PTPN13: variants seen among roughly 807,000 people sequenced by gnomAD.
PTPN13 encodes tyrosine-protein phosphatase non-receptor type 13.
In PTPN13, 191 loss-of-function variants were observed where a neutral mutation model predicts 284.0. That is an observed-to-expected ratio of 0.67 (90% CI 0.60 to 0.76). PTPN13 has a LOEUF of 0.76. Among genes scored for constraint, PTPN13 ranks in the 30% least tolerant of loss-of-function variants. PTPN13 has a pLI of 0.00. For missense variants in PTPN13, 2,797 were observed against 2,939.9 expected (o/e 0.95, Z 1.12); for synonymous variants, 986 against 1,022.3 (o/e 0.96, Z 0.68).
intron 1 of PTPN13, among the ~76,000 whole-genome samples, chr4:86,599,661 A>G (rs969344316): frequency 3.9e-5 from 6 of 152,288 alleles, no homozygotes; most frequent in African/African-American, 9.6e-5. Context: ...AATGGCATAT[A>G]TATAATTCCT....
rs1283544153 is a variant in PTPN13, at chr4:86,762,723, T to C, written c.3554-4T>C. The C allele has an allele frequency of 8.8e-6, 14 of 1,583,068 alleles. No individual in the cohort carries two copies. Among genetic ancestry groups the C allele is most frequent in the African/African-American group, 1.3e-5 (1 of 74,186 alleles). On this transcript the variant is annotated splice_region_variant and splice_polypyrimidine_tract_variant and intron_variant, in intron 23 of 47. Transcript: ENST00000411767. ...TACTCTCATTGATGGATTTTGACTTTTAGTGCCTTCTACTCCTGTGCATCT... is the reference window on the plus strand; with the variant it reads ...TACTCTCATTGATGGATTTTGACTTCTAGTGCCTTCTACTCCTGTGCATCT...
chr4:86,686,848 A>C, intron 4 of PTPN13, 73 bp downstream of exon 4: 3 of 1,019,806 alleles, frequency 2.9e-6, no homozygotes, highest in Non-Finnish European at 4.4e-6. Context: ...TAGCTCTTCC[A>C]CACGTTTATA....
chr4:86,644,417 G>A (rs1724180729), intron 2 of PTPN13, among the ~76,000 whole-genome samples: 1 of 152,120 alleles, frequency 6.6e-6, no homozygotes, highest in South Asian at 2.1e-4. Flanking sequence ...TAGGATTACA[G>A]GCATGAGCCA....
At chr4:86,664,089 T>A (rs1026718150) in intron 2 of PTPN13, among the ~76,000 whole-genome samples, 2 of 152,144 alleles carry the variant, frequency 1.3e-5, no homozygotes, top group Non-Finnish European at 2.9e-5. Context: ...AGGAAACTTT[T>A]TAAAAATACT....
Position 86,762,981 on chromosome 4 carries a change from G to A in PTPN13, c.3808G>A (p.Gly1270Ser), listed in dbSNP as rs753750124. 6 of 1,613,618 alleles carry A rather than the reference G, an allele frequency of 3.7e-6. No individual in the cohort carries two copies. The highest frequency in any genetic ancestry group is 5.1e-6 in the Non-Finnish European group (6 of 1,179,830). ...QVNGFFASHLGDQTWQESQHG... is the reference protein window; with the variant it reads ...QVNGFFASHLSDQTWQESQHG... ...CAATGGTTTCTTTGCCAGCCATTTA[G>A]GTGACCAAACCTGGCAGGAATCACA... The change falls in exon 24 of 48, where the codon GGT (glycine) becomes AGT (serine). Residue 1270 changes from glycine (G) to serine (S), a missense_variant. Physicochemically the swap from Gly to Ser is moderately conservative, Grantham distance 56 (BLOSUM62 0). Transcript: ENST00000411767.
intron 6 of PTPN13, among the ~76,000 whole-genome samples, chr4:86,699,028 C>G (rs1730859132): frequency 6.6e-6 from 1 of 151,976 alleles, no homozygotes; most frequent in South Asian, 2.1e-4. Flanking sequence ...AGGGGGGAAT[C>G]CAGAATACAT....
chr4:86,614,157 G>A (rs1720273287), intron 1 of PTPN13, among the ~76,000 whole-genome samples: 1 of 152,112 alleles, frequency 6.6e-6, no homozygotes, highest in Admixed American at 6.5e-5. Context: ...TAGTTTTGTT[G>A]TAATATACAA....
rs1439942585 is a variant in PTPN13 at position 86,771,251 on chromosome 4, C to T, written c.4884C>T (p.Thr1628=). The change falls in exon 31 of 48, where the codon ACC becomes ACT. Residue 1628 remains threonine, a synonymous_variant. Coordinates refer to ENST00000411767, the MANE Select transcript of PTPN13 (RefSeq NM_080683.3). ...AGCCATCATGTGTGGAGCAAAGCAC[C>T]AGCTCAGATGAAAATGAAATGTCAG... ...SSQPSCVEQS[T]SSDENEMSDK... is the part of the protein sequence containing the mutation. 2.5e-6 allele frequency: 4 copies of T among 1,609,706 alleles called. No individual in the cohort carries two copies. Among genetic ancestry groups the T allele is most frequent in the East Asian group, 2.2e-5 (1 of 44,750 alleles).
intron 23 of PTPN13, 82 bp downstream of exon 23, chr4:86,759,155 A>C: frequency 7.0e-7 from 1 of 1,423,898 alleles, no homozygotes; most frequent in East Asian, 2.4e-5. Flanking sequence ...ACAAAAATGG[A>C]TTCATTGTGT....
In PTPN13 at chr4:86,619,134, C is replaced by G. The variant is rs138620934; in HGVS notation, c.-5-16118C>G. The stretch of plus-strand genomic sequence containing the variant: ...GAGAGCTACAGCTCCCAGTCAGCCA[C>G]GCGATCACAAGGGTAAACAACTGAC... On this transcript the variant is annotated intron_variant, in intron 1 of 47. Transcript: ENST00000411767. Among the ~76,000 whole-genome samples the G allele has an allele frequency of 3.3e-3, 507 of 152,268 alleles. 1 individual carries two copies. Among genetic ancestry groups the G allele is most frequent in the African/African-American group, 0.012 (490 of 41,546 alleles).
intron 19 of PTPN13, 47 bp from the exon 20 acceptor site, chr4:86,752,962 G>A (rs754084431): frequency 3.7e-6 from 5 of 1,359,306 alleles, no homozygotes; most frequent in African/African-American, 2.9e-5. Context: ...TCGATATCTA[G>A]CATCTGACCA....
chr4:86,795,743 CATGG>C (rs1241941971), intron 40 of PTPN13, among the ~76,000 whole-genome samples: 5 of 152,104 alleles, frequency 3.3e-5, no homozygotes, highest in Non-Finnish European at 2.9e-5. Context: ...TTTGCACAGA[CATGG>C]ATGAAGCTGG....
At chr4:86,700,474 T>A (rs772151901) in intron 6 of PTPN13, among the ~76,000 whole-genome samples, 1 of 151,894 alleles carries the variant, frequency 6.6e-6, no homozygotes, top group Admixed American at 6.6e-5. Flanking sequence ...TACTGCCTTT[T>A]AAAAAAAAGT....
intron 2 of PTPN13, among the ~76,000 whole-genome samples, chr4:86,659,565 C>T (rs888006464): frequency 1.3e-5 from 2 of 152,138 alleles, no homozygotes; most frequent in African/African-American, 4.8e-5. Flanking sequence ...CCTGTAATCC[C>T]AGCACTTTGG....
At chr4:86,793,938 A>T (rs1165207455) in intron 40 of PTPN13, among the ~76,000 whole-genome samples, 1 of 152,224 alleles carries the variant, frequency 6.6e-6, no homozygotes, top group African/African-American at 2.4e-5. Context: ...CAATTAAAAG[A>T]ACTAGAGAAG....
chr4:86,696,239 T>C (rs896156311), intron 6 of PTPN13, among the ~76,000 whole-genome samples: 1 of 151,986 alleles, frequency 6.6e-6, no homozygotes, highest in African/African-American at 2.4e-5. Flanking sequence ...ATGCTGGGGA[T>C]AGGGAAAACC....
chr4:86,601,850 A>T (rs989755208), intron 1 of PTPN13, among the ~76,000 whole-genome samples: 20 of 152,210 alleles, frequency 1.3e-4, no homozygotes, highest in Admixed American at 1.2e-3. Context: ...ACATTTGTAT[A>T]CCTAGTTCCC....
At chr4:86,596,317 A>G (rs1430636314) in intron 1 of PTPN13, among the ~76,000 whole-genome samples, 1 of 152,208 alleles carries the variant, frequency 6.6e-6, no homozygotes, top group Non-Finnish European at 1.5e-5. Context: ...TTGTCCCACC[A>G]TTTTTACTTG....
intron 3 of PTPN13, among the ~76,000 whole-genome samples, chr4:86,679,390 C>T (rs1301284791): frequency 1.3e-5 from 2 of 152,158 alleles, no homozygotes; most frequent in Admixed American, 6.5e-5. Context: ...ATTGTATCCC[C>T]TATGCTCTCT....
Sources: gnomAD v4.1 joint callset for allele counts (sites outside exome capture counted in the v4.1 genomes callset) on GRCh38, gnomAD v4.1.1 for gene constraint, MANE v1.5 for transcripts, NCBI Gene and HGNC (gene_info 2026-07-23, HGNC 2026-07-21) for gene names.